Variants in DNAH7 observed in about 807,000 individuals in gnomAD.
DNAH7 encodes dynein axonemal heavy chain 7, also known as axonemal beta dynein heavy chain 7.
In DNAH7, 397 loss-of-function variants were observed where a neutral mutation model predicts 444.6. The observed-to-expected ratio is 0.89, with a 90% confidence interval of 0.82 to 0.97. The LOEUF is 0.97. DNAH7 is among the 50% of genes least tolerant of loss of function. The pLI is 0.00. For missense variants in DNAH7, 4,902 were observed against 4,800.8 expected (o/e 1.02, Z -0.62); for synonymous variants, 1,636 against 1,624.4 (o/e 1.01, Z -0.17).
intron 20 of DNAH7, among the ~76,000 whole-genome samples, chr2:195,935,215 CTA>C (rs779593089): frequency 1.6e-4 from 25 of 152,124 alleles, no homozygotes; most frequent in Admixed American, 5.9e-4. Flanking sequence ...AAATTGTGGA[CTA>C]TGTTTAGTAA....
In DNAH7 at chr2:195,972,369, T is replaced by G. The variant is rs199655398; in HGVS notation, c.1931A>C (p.Asn644Thr). Residue 644 changes from asparagine (N) to threonine (T), a missense_variant, in exon 16 of 65, where the codon AAC becomes ACC. Asn to Thr is a moderately conservative substitution (Grantham distance 65, BLOSUM62 0). Coordinates refer to ENST00000312428, the MANE Select transcript of DNAH7 (RefSeq NM_018897.3). ...NCLAFLIEYV[N>T]FSPADMRLNN... ...TAGCCTCATGTCTGCTGGAGAAAAGTTGACATACTCGATGAGGAAGGCGAG... is the reference window on the plus strand; with the variant it reads ...TAGCCTCATGTCTGCTGGAGAAAAGGTGACATACTCGATGAGGAAGGCGAG... The G allele has an allele frequency of 9.9e-6, 16 of 1,614,140 alleles. No individual in the cohort carries two copies. Among genetic ancestry groups the G allele is most frequent in the Middle Eastern group, 1.6e-4 (1 of 6,062 alleles).
At chr2:195,776,074 G>A (rs1417675052) in intron 59 of DNAH7, 91 bp from the exon 60 acceptor site, 4 of 1,467,678 alleles carry the variant, frequency 2.7e-6, no homozygotes, top group Non-Finnish European at 3.7e-6. Flanking sequence ...CAATACTCAA[G>A]TTATTGACTG....
At chr2:195,895,928 C>T (rs1702282273) in intron 29 of DNAH7, among the ~76,000 whole-genome samples, 1 of 152,032 alleles carries the variant, frequency 6.6e-6, no homozygotes. Context: ...TCCACCGTAA[C>T]AAAGTGCTAC....
intron 5 of DNAH7, among the ~76,000 whole-genome samples, chr2:196,046,361 G>A (rs565077913): frequency 3.8e-4 from 58 of 152,134 alleles, no homozygotes; most frequent in African/African-American, 1.3e-3. Context: ...AATAAGGGAA[G>A]ACTAAAAATA....
chr2:196,026,073 G>C (rs550050219), intron 7 of DNAH7, among the ~76,000 whole-genome samples: 1 of 152,144 alleles, frequency 6.6e-6, no homozygotes, highest in Admixed American at 6.6e-5. Context: ...AATTATTTAT[G>C]TAAAGGGTTA....
intron 39 of DNAH7, among the ~76,000 whole-genome samples, chr2:195,872,862 C>A (rs1574629191): frequency 6.6e-6 from 1 of 151,402 alleles, no homozygotes; most frequent in Middle Eastern, 3.4e-3. Flanking sequence ...ATAAGGAACA[C>A]TGGTGAAACA....
At chr2:195,991,937 C>A (rs535737876) in intron 12 of DNAH7, among the ~76,000 whole-genome samples, 1 of 152,126 alleles carries the variant, frequency 6.6e-6, no homozygotes, top group African/African-American at 2.4e-5. Flanking sequence ...GCCCAGCAAC[C>A]GGAAAAATCT....
rs1485475219 is a variant in DNAH7 at position 195,926,433 on chromosome 2, C to T, written c.3605G>A (p.Gly1202Glu). 2 of 1,569,106 alleles carry T rather than the reference C, an allele frequency of 1.3e-6. No homozygotes were observed. The highest frequency in any genetic ancestry group is 1.7e-4 in the Middle Eastern group (1 of 5,894). The part of the protein sequence containing the change: ...TKEVQTAIPM[G>E]IKALEQYLKT... Reference sequence around the variant, plus strand: ...GGGTTAATAAAACCTTACCTTTATCCCCATTGGAATAGCTGTTTGTACTTC... The same window carrying T: ...GGGTTAATAAAACCTTACCTTTATCTCCATTGGAATAGCTGTTTGTACTTC... The change falls in exon 22 of 65, where the codon GGG becomes GAG. Residue 1202 changes from glycine to glutamate, a missense_variant. Coordinates refer to ENST00000312428, the MANE Select transcript of DNAH7 (RefSeq NM_018897.3).
intron 15 of DNAH7, among the ~76,000 whole-genome samples, chr2:195,983,836 G>T (rs1040640783): frequency 4.6e-5 from 7 of 152,142 alleles, no homozygotes; most frequent in African/African-American, 7.2e-5. Flanking sequence ...GTCACTTAAG[G>T]CTTAAATATT....
chr2:196,018,945 TCTA>T (rs1306923304), intron 9 of DNAH7, among the ~76,000 whole-genome samples: 1 of 152,116 alleles, frequency 6.6e-6, no homozygotes, highest in East Asian at 1.9e-4. Context: ...AATATATGCA[TCTA>T]CTATGTACTC....
intron 63 of DNAH7, among the ~76,000 whole-genome samples, chr2:195,744,216 A>G (rs1390764461): frequency 6.6e-6 from 1 of 152,198 alleles, no homozygotes; most frequent in African/African-American, 2.4e-5. Flanking sequence ...ATTATATCCC[A>G]CACCTGGCTC....
At chr2:195,906,573 C>G (rs879138429) in intron 27 of DNAH7, 86 bp downstream of exon 27, 2 of 1,344,760 alleles carry the variant, frequency 1.5e-6, no homozygotes, top group African/African-American at 1.5e-5. Flanking sequence ...GGATTATAGG[C>G]GTTAGCCACC....
intron 41 of DNAH7, 59 bp from the exon 42 acceptor site, chr2:195,862,005 T>C (rs1574595860): frequency 7.7e-7 from 1 of 1,301,884 alleles, no homozygotes; most frequent in South Asian, 1.2e-5. Context: ...GATCTGCTAC[T>C]ACTGCAGCCC....
chr2:195,925,188 C>T (rs1469810836), intron 22 of DNAH7, among the ~76,000 whole-genome samples: 2 of 151,864 alleles, frequency 1.3e-5, no homozygotes, highest in African/African-American at 4.8e-5. Flanking sequence ...TGCCTAAACA[C>T]TATTTCATTT....
In DNAH7 at chr2:195,864,439, C is replaced by T; in HGVS notation, c.7216G>A (p.Glu2406Lys). Residue 2406 changes from glutamate (E) to lysine (K), a missense_variant, in exon 41 of 65, where the codon GAG becomes AAG. Coordinates refer to ENST00000312428, the MANE Select transcript of DNAH7 (RefSeq NM_018897.3). ...FLFTDTQIKEESFLEDVSNLL... is the reference protein window; with the variant it reads ...FLFTDTQIKEKSFLEDVSNLL... ...TTACTGACATCTTCCAGAAAAGACT[C>T]TTCTTTAATTTGAGTATCTGTAAAC... 1 of 1,614,200 alleles carries T rather than the reference C, an allele frequency of 6.2e-7. No homozygotes were observed. Among genetic ancestry groups the T allele is most frequent in the East Asian group, 2.2e-5 (1 of 44,882 alleles).
intron 15 of DNAH7, among the ~76,000 whole-genome samples, chr2:195,981,778 T>C (rs1692590157): frequency 6.6e-6 from 1 of 152,230 alleles, no homozygotes. Flanking sequence ...AGAATGATAC[T>C]AGACCTCTGT....
intron 58 of DNAH7, among the ~76,000 whole-genome samples, chr2:195,778,745 T>TAA (rs1215614775): frequency 2.3e-5 from 3 of 128,502 alleles, no homozygotes; most frequent in Non-Finnish European, 4.8e-5. Context: ...TATATATATA[T>TAA]AATAAAACTC....
chr2:195,765,935 TGCCGCACTACTCACAAAA>T (rs969942017), intron 61 of DNAH7, among the ~76,000 whole-genome samples: 4 of 152,096 alleles, frequency 2.6e-5, no homozygotes, highest in Non-Finnish European at 5.9e-5. Context: ...CCATGTTTAT[TGCCGCACTACTCACAAAA>T]GCCAAGATAT....
At chr2:195,969,830 C>A in intron 17 of DNAH7, 118 bp downstream of exon 17, 2 of 995,686 alleles carry the variant, frequency 2.0e-6, no homozygotes, top group African/African-American at 1.7e-5. Flanking sequence ...CTATTATCCT[C>A]TAATTAAATG....
Sources: gnomAD v4.1 joint callset for allele counts (sites outside exome capture counted in the v4.1 genomes callset) on GRCh38, gnomAD v4.1.1 for gene constraint, MANE v1.5 for transcripts, NCBI Gene and HGNC (gene_info 2026-07-23, HGNC 2026-07-21) for gene names.